SEMA3A: variants seen among roughly 807,000 people sequenced by gnomAD.
SEMA3A encodes semaphorin-3A.
SEMA3A carries 29 observed loss-of-function variants against 97.9 expected under a neutral mutation model. The observed-to-expected ratio is 0.30, with a 90% CI of 0.22 to 0.40. The LOEUF is 0.40. SEMA3A is among the 10% of genes least tolerant of loss of function. The probability of loss-of-function intolerance (pLI) is 1.00; values close to 1 mark genes in which losing one functional copy is unlikely to be tolerated. For synonymous variants in SEMA3A, 321 were observed against 323.7 expected (o/e 0.99, Z 0.09); for missense variants, 763 against 951.3 (o/e 0.80, Z 2.60).
At chr7:84,227,900 T>C (rs980506344) in intron 3 of SEMA3A, among the ~76,000 whole-genome samples, 5 of 151,482 alleles carry the variant, frequency 3.3e-5, no homozygotes, top group Admixed American at 1.3e-4. Context: ...TCTGTGTGTG[T>C]GTGTGTGCGT....
intron 9 of SEMA3A, among the ~76,000 whole-genome samples, chr7:84,008,482 C>A (rs1394679156): frequency 4.0e-5 from 5 of 125,670 alleles, no homozygotes; most frequent in Non-Finnish European, 6.4e-5. Context: ...CAGAACAAGA[C>A]TCCGTCTCAA....
chr7:84,147,220 T>G (rs1796489138), intron 1 of SEMA3A, among the ~76,000 whole-genome samples: 2 of 152,178 alleles, frequency 1.3e-5, no homozygotes, highest in African/African-American at 4.8e-5. Flanking sequence ...ACCCACTACC[T>G]GTTGCATATG....
intron 3 of SEMA3A, among the ~76,000 whole-genome samples, chr7:84,240,458 A>G (rs867935314): frequency 1.3e-5 from 2 of 152,202 alleles, no homozygotes; most frequent in South Asian, 4.1e-4. Flanking sequence ...GGCCAAGGCC[A>G]TGGAAGATGG....
At chr7:84,341,388 T>C (rs1467713342) in intron 2 of SEMA3A, among the ~76,000 whole-genome samples, 1 of 152,150 alleles carries the variant, frequency 6.6e-6, no homozygotes, top group Admixed American at 6.6e-5. Context: ...AAGATTAGGT[T>C]TTCCACCTTT....
chr7:84,335,392 A>T lies in SEMA3A; in HGVS notation c.-168-28100T>A, dbSNP rs143583306. On this transcript the variant is annotated intron_variant, in intron 2 of 3. Coordinates refer to the SEMA3A transcript ENST00000424555. ...TCCCTGATAAAAAATATATTTTTACATTAGCAAATATAGGTTATAGTTGTG... is the reference window on the plus strand; with the variant it reads ...TCCCTGATAAAAAATATATTTTTACTTTAGCAAATATAGGTTATAGTTGTG... Among the ~76,000 whole-genome samples the T allele has an allele frequency of 1.8e-3, 273 of 152,304 alleles. 2 individuals carry two copies. The highest frequency in any genetic ancestry group is 6.4e-3 in the African/African-American group (267 of 41,598).
rs533870164 is a variant in SEMA3A, at chr7:84,407,167, A to C, written c.-245-35267T>G. 3.1e-4 allele frequency among the ~76,000 whole-genome samples: 47 copies of C among 152,328 alleles called. 1 individual carries two copies. Among genetic ancestry groups the C allele is most frequent in the African/African-American group, 1.1e-3 (44 of 41,578 alleles). The stretch of plus-strand genomic sequence containing the variant: ...CTGGAAAACCCCATCATCTCAGCCC[A>C]AAATCTCCTTAAGCTGATAAGCAAC... On this transcript the variant is annotated intron_variant, in intron 1 of 3. Transcript: ENST00000424555.
chr7:84,486,064 G>A (rs1806567158), intron 1 of SEMA3A, among the ~76,000 whole-genome samples: 1 of 152,086 alleles, frequency 6.6e-6, no homozygotes, highest in African/African-American at 2.4e-5. Context: ...TAATCTAAAG[G>A]GGAAAATAGG....
intron 3 of SEMA3A, among the ~76,000 whole-genome samples, chr7:84,240,708 C>A (rs909691189): frequency 6.6e-6 from 1 of 152,076 alleles, no homozygotes; most frequent in Admixed American, 6.6e-5. Context: ...CTGCACTCAT[C>A]AACCCATCAT....
intron 1 of SEMA3A, among the ~76,000 whole-genome samples, chr7:84,419,516 A>G (rs981927231): frequency 1.4e-5 from 2 of 147,860 alleles, no homozygotes; most frequent in African/African-American, 2.6e-5. Context: ...ATAATCTCAC[A>G]GCTGCATGAG....
chr7:83,966,290 A>G (rs531687438), intron 15 of SEMA3A, among the ~76,000 whole-genome samples: 1 of 152,260 alleles, frequency 6.6e-6, no homozygotes, highest in East Asian at 1.9e-4. Context: ...AGACTATAAG[A>G]TGGTGTTTGA....
chr7:84,436,656 A>C (rs1231177233), intron 1 of SEMA3A, among the ~76,000 whole-genome samples: 1 of 152,098 alleles, frequency 6.6e-6, no homozygotes, highest in Non-Finnish European at 1.5e-5. Flanking sequence ...TTTAAAAATT[A>C]TATTTATGTT....
chr7:84,360,197 C>T (rs1802679943), intron 2 of SEMA3A, among the ~76,000 whole-genome samples: 1 of 152,024 alleles, frequency 6.6e-6, no homozygotes, highest in Admixed American at 6.6e-5. Flanking sequence ...AATGTGTTTG[C>T]TCTTGCTTCT....
chr7:84,001,694 G>A (rs1363462525), intron 12 of SEMA3A, among the ~76,000 whole-genome samples: 1 of 151,816 alleles, frequency 6.6e-6, no homozygotes, highest in Non-Finnish European at 1.5e-5. Context: ...AATATAAAAT[G>A]TAATATAAAA....
chr7:84,054,198 T>TG (rs1373132345), intron 5 of SEMA3A, among the ~76,000 whole-genome samples: 1 of 152,284 alleles, frequency 6.6e-6, no homozygotes, highest in Non-Finnish European at 1.5e-5. Flanking sequence ...GTCTTGGAGT[T>TG]GCTCTTCTCG....
intron 4 of SEMA3A, among the ~76,000 whole-genome samples, chr7:84,075,776 G>T (rs898173589): frequency 7.2e-5 from 11 of 152,170 alleles, no homozygotes; most frequent in African/African-American, 2.4e-4. Flanking sequence ...GACTTCTATT[G>T]TATCCATTCA....
At position 84,322,195 on chromosome 7, in the gene SEMA3A, A is replaced by G. The variant is rs554775163; in HGVS notation, c.-168-14903T>C. 3.3e-5 allele frequency among the ~76,000 whole-genome samples: 5 copies of G among 151,902 alleles called. No individual in the cohort carries two copies. In the South Asian group the frequency reaches 1.0e-3, roughly 32 times the overall value. ...ACCAGGTTCTGCCCTTGACACATGG[A>G]GATTATGAGAGTTACAATTCAAAGT... On this transcript the variant is annotated intron_variant, in intron 2 of 3. Transcript: ENST00000424555.
intron 3 of SEMA3A, among the ~76,000 whole-genome samples, chr7:84,229,987 TTACTC>T (rs1799083642): frequency 6.6e-6 from 1 of 151,992 alleles, no homozygotes; most frequent in Non-Finnish European, 1.5e-5. Flanking sequence ...TACCCCCCCT[TTACTC>T]TACTCAGTTC....
chr7:84,197,478 A>T (rs1246869750), upstream of SEMA3A, among the ~76,000 whole-genome samples: 3 of 152,206 alleles, frequency 2.0e-5, no homozygotes, highest in African/African-American at 7.2e-5. Context: ...TGCCTGAAAA[A>T]CACTCACAAA....
intron 4 of SEMA3A, among the ~76,000 whole-genome samples, chr7:84,073,261 T>C (rs1793810094): frequency 6.6e-6 from 1 of 151,914 alleles, no homozygotes; most frequent in East Asian, 1.9e-4. Flanking sequence ...GACGTGTGTG[T>C]ATGGGTGTGG....
Sources: allele counts gnomAD v4.1 joint callset (sites outside exome capture counted in the v4.1 genomes callset), GRCh38; gene constraint gnomAD v4.1.1; transcripts MANE v1.5; gene names NCBI Gene and HGNC (gene_info 2026-07-23, HGNC 2026-07-21).